Variants in REEP1 observed in about 807,000 individuals in gnomAD.
The protein encoded by REEP1 is receptor accessory protein 1, also known as receptor expression-enhancing protein 1.
Under a neutral mutation model 40.3 loss-of-function variants are expected in REEP1, and 22 were observed. The observed-to-expected ratio is 0.55, with a 90% confidence interval of 0.39 to 0.78. REEP1 has a LOEUF of 0.78. Among genes scored for constraint, REEP1 ranks in the 30% least tolerant of loss-of-function variants. The pLI, the probability that REEP1 is intolerant of heterozygous loss-of-function variation, is 0.00. For synonymous variants in REEP1, 116 were observed against 139.2 expected (o/e 0.83, Z 1.17); for missense variants, 280 against 361.1 (o/e 0.78, Z 1.82).
intron 1 of REEP1, among the ~76,000 whole-genome samples, chr2:86,305,490 A>G (rs1178121913): frequency 6.6e-6 from 1 of 152,184 alleles, no homozygotes; most frequent in Non-Finnish European, 1.5e-5. Context: ...CCTTGCCTTA[A>G]GCCAATTTCC....
At chr2:86,329,793 C>T (rs555488251) in intron 1 of REEP1, among the ~76,000 whole-genome samples, 12 of 152,216 alleles carry the variant, frequency 7.9e-5, no homozygotes, top group African/African-American at 1.7e-4. Flanking sequence ...CCACCCAACA[C>T]GCACTCGCTG....
At chr2:86,277,359 C>CTCAGGATTGCCTGAGGTCAGG (rs1677816744) in intron 2 of REEP1, among the ~76,000 whole-genome samples, 1 of 151,984 alleles carries the variant, frequency 6.6e-6, no homozygotes, top group South Asian at 2.1e-4. Context: ...AGTTCAAGAC[C>CTCAGGATTGCCTGAGGTCAGG]AGCCTGGCCA....
intron 8 of REEP1, 110 bp from the exon 9 acceptor site, chr2:86,217,220 G>T: frequency 1.1e-6 from 1 of 903,172 alleles, no homozygotes; most frequent in Non-Finnish European, 1.8e-6. Flanking sequence ...TTGGCCAAAT[G>T]CAGCTGGCTA....
chr2:86,246,215 A>T (rs1489660434), intron 5 of REEP1, among the ~76,000 whole-genome samples: 2 of 152,256 alleles, frequency 1.3e-5, no homozygotes, highest in Admixed American at 6.5e-5. Flanking sequence ...CAAAGCACTA[A>T]ATAACAAAGC....
At chr2:86,255,131 A>G (rs1676485018) in intron 3 of REEP1, 1 of 294,462 alleles carries the variant, frequency 3.4e-6, no homozygotes, top group South Asian at 4.6e-5. Flanking sequence ...GGCTGTGCTC[A>G]TTTAGATTGG....
At chr2:86,302,656 G>T (rs2104460512) in intron 1 of REEP1, among the ~76,000 whole-genome samples, 1 of 152,176 alleles carries the variant, frequency 6.6e-6, no homozygotes, top group Middle Eastern at 3.4e-3. Context: ...ACATTAAAAG[G>T]TCACTAAAAT....
intron 1 of REEP1, among the ~76,000 whole-genome samples, chr2:86,334,812 C>T (rs750850811): frequency 3.3e-5 from 5 of 151,990 alleles, no homozygotes; most frequent in East Asian, 1.9e-4. Context: ...ATAGGGTTCC[C>T]GGGGAGGACA....
chr2:86,253,431 T>C (rs1574037882), intron 4 of REEP1, among the ~76,000 whole-genome samples: 1 of 152,296 alleles, frequency 6.6e-6, no homozygotes, highest in Non-Finnish European at 1.5e-5. Flanking sequence ...TCCTGCTGGA[T>C]TCCCTGTGGA....
At chr2:86,334,781 T>C (rs1462638856) in intron 1 of REEP1, among the ~76,000 whole-genome samples, 1 of 152,038 alleles carries the variant, frequency 6.6e-6, no homozygotes, top group African/African-American at 2.4e-5. Flanking sequence ...CAGGAGTAAA[T>C]TAAGTCTGAG....
chr2:86,275,051 C>T (rs1235040407), intron 2 of REEP1, among the ~76,000 whole-genome samples: 3 of 152,200 alleles, frequency 2.0e-5, no homozygotes, highest in Non-Finnish European at 4.4e-5. Context: ...TCTGCTCTAA[C>T]CAGGCACATT....
intron 6 of REEP1, among the ~76,000 whole-genome samples, chr2:86,231,573 T>C (rs1407871740): frequency 1.4e-5 from 2 of 146,692 alleles, no homozygotes; most frequent in East Asian, 2.1e-4. Flanking sequence ...GCAGGCTGCA[T>C]AGTCACAGGT....
At chr2:86,298,200 G>T (rs12714180) in intron 1 of REEP1, among the ~76,000 whole-genome samples, 51,910 of 152,068 alleles carry the variant, frequency 0.34, 9,806 homozygotes, top group Middle Eastern at 0.45. Flanking sequence ...TTCAAGGAAT[G>T]GGAGAAGTTT....
chr2:86,308,668 T>G (rs1021352147), intron 1 of REEP1, among the ~76,000 whole-genome samples: 2 of 152,212 alleles, frequency 1.3e-5, no homozygotes, highest in African/African-American at 4.8e-5. Context: ...TCTGAAGAGC[T>G]GGAGTGAGGC....
intron 3 of REEP1, among the ~76,000 whole-genome samples, chr2:86,255,450 G>A (rs1323136088): frequency 2.0e-5 from 3 of 152,146 alleles, no homozygotes; most frequent in Admixed American, 1.3e-4. Context: ...AAGAGTCCAC[G>A]GTGCAGATAG....
chr2:86,332,783 G>C (rs1010042294), intron 1 of REEP1, among the ~76,000 whole-genome samples: 7 of 152,220 alleles, frequency 4.6e-5, no homozygotes, highest in African/African-American at 7.2e-5. Flanking sequence ...AGAAATCTAA[G>C]CTAGTATTTT....
intron 5 of REEP1, among the ~76,000 whole-genome samples, chr2:86,244,308 G>A (rs1675816735): frequency 6.6e-6 from 1 of 152,124 alleles, no homozygotes; most frequent in African/African-American, 2.4e-5. Flanking sequence ...ATATGTGGGA[G>A]AGGGCTTTTT....
intron 1 of REEP1, among the ~76,000 whole-genome samples, chr2:86,290,976 T>C (rs190828628): frequency 1.2e-4 from 19 of 152,364 alleles, no homozygotes; most frequent in Admixed American, 1.2e-3. Flanking sequence ...GACTGTATTA[T>C]TGTGACTTAT....
At chr2:86,246,658 G>A (rs142099061) in intron 5 of REEP1, among the ~76,000 whole-genome samples, 116 of 151,408 alleles carry the variant, frequency 7.7e-4, no homozygotes, top group African/African-American at 2.6e-3. Context: ...TCAGTGGTTC[G>A]TCTCACTATG....
upstream of REEP1, chr2:86,337,728 C>T (rs938822148): frequency 4.8e-5 from 44 of 909,800 alleles, no homozygotes; most frequent in Non-Finnish European, 2.1e-5. This position sits in a 1 kb window ranked among gnomAD's most constrained non-coding sequence, Gnocchi z 5.8. Context: ...TCGGCGGGCC[C>T]GCAGCGATTG....
Sources: gnomAD v4.1 joint callset for allele counts (sites outside exome capture counted in the v4.1 genomes callset) on GRCh38, gnomAD v4.1.1 for gene constraint, Gnocchi (gnomAD v3.1) non-coding constraint, MANE v1.5 for transcripts, NCBI Gene and HGNC (gene_info 2026-07-23, HGNC 2026-07-21) for gene names.